Variants in AKAP10 observed in about 807,000 individuals in gnomAD.
The protein encoded by AKAP10 is A-kinase anchoring protein 10.
A neutral mutation model predicts 80.8 loss-of-function variants in AKAP10; 24 were observed. That is an observed-to-expected ratio of 0.30 (90% CI 0.22 to 0.42). AKAP10 has a LOEUF of 0.42. Among genes scored for constraint, AKAP10 ranks in the 10% least tolerant of loss-of-function variants. The pLI is 1.00. For missense variants in AKAP10, 661 were observed against 794.9 expected, an observed-to-expected ratio of 0.83 and a Z score of 2.03; for synonymous variants, 291 against 277.7, an observed-to-expected ratio of 1.05 and a Z score of -0.48.
chr17:19,911,214 A>G (rs1193812555), intron 12 of AKAP10, among the ~76,000 whole-genome samples: 1 of 152,106 alleles, frequency 6.6e-6, no homozygotes, highest in African/African-American at 2.4e-5. Context: ...CTGTTGAATC[A>G]CCCCATGCAC....
At chr17:19,974,191 C>CA (rs891943960) in intron 1 of AKAP10, among the ~76,000 whole-genome samples, 1 of 150,740 alleles carries the variant, frequency 6.6e-6, no homozygotes, top group African/African-American at 2.4e-5. Flanking sequence ...AACTCCATCT[C>CA]AAAAAAAAGA....
chr17:19,943,187 C>A (rs1003753044), intron 5 of AKAP10, among the ~76,000 whole-genome samples: 3 of 152,132 alleles, frequency 2.0e-5, no homozygotes, highest in Non-Finnish European at 4.4e-5. Flanking sequence ...TTGCAACTGG[C>A]CTTTAGCCAG....
rs1597487667 is a variant in AKAP10, at chr17:19,912,273, G to C, written c.1835-2295C>G. On this transcript the variant is annotated intron_variant, in intron 12 of 14. Coordinates refer to ENST00000225737, the MANE Select transcript of AKAP10 (RefSeq NM_007202.4). ...CTACTAAAAATACAAAAATAGGCGTGTGCCAATAATCCCAGCACTTTGGGA... is the reference window on the plus strand; with the variant it reads ...CTACTAAAAATACAAAAATAGGCGTCTGCCAATAATCCCAGCACTTTGGGA... Among the ~76,000 whole-genome samples, 7 of 152,082 alleles carry C rather than the reference G, an allele frequency of 4.6e-5. No individual in the cohort carries two copies. In the South Asian group the frequency reaches 1.5e-3, roughly 32 times the overall value.
At chr17:19,930,979 G>C (rs964819518) in intron 10 of AKAP10, among the ~76,000 whole-genome samples, 5 of 152,180 alleles carry the variant, frequency 3.3e-5, no homozygotes, top group African/African-American at 1.2e-4. Context: ...AAAGTGCTGG[G>C]ATTACAGGCG....
At chr17:19,969,451 C>T (rs953410044) in intron 1 of AKAP10, among the ~76,000 whole-genome samples, 5 of 151,906 alleles carry the variant, frequency 3.3e-5, no homozygotes, top group Non-Finnish European at 5.9e-5. Flanking sequence ...ATATGACATC[C>T]AAGATAGGAA....
At chr17:19,929,612 T>C (rs2042911222) in intron 10 of AKAP10, 1 of 152,082 alleles carries the variant, frequency 6.6e-6, no homozygotes, top group Non-Finnish European at 1.5e-5. Context: ...TTTCTATATA[T>C]ATAGTATCAA....
At chr17:19,914,438 G>A (rs971007447) in intron 12 of AKAP10, among the ~76,000 whole-genome samples, 1 of 151,934 alleles carries the variant, frequency 6.6e-6, no homozygotes, top group African/African-American at 2.4e-5. Flanking sequence ...ATTGCTTGCG[G>A]CAGGAGCTTG....
intron 10 of AKAP10, among the ~76,000 whole-genome samples, chr17:19,927,455 A>G (rs2042886925): frequency 6.6e-6 from 1 of 152,228 alleles, no homozygotes; most frequent in South Asian, 2.1e-4. Context: ...TTTATCTAGA[A>G]TATATAAAGG....
chr17:19,907,111 G>A lies in AKAP10; in HGVS notation c.1984-879C>T, dbSNP rs138578028. ...CAGCTCACCGCAACCTCTGCCTCCC[G>A]GGTTCAAGCAATTCTCCTGCCTCAG... On this transcript the variant is annotated intron_variant, in intron 14 of 14. Transcript: ENST00000225737. 3.4e-4 allele frequency among the ~76,000 whole-genome samples: 52 copies of A among 151,364 alleles called. 1 individual carries two copies. Among genetic ancestry groups the A allele is most frequent in the African/African-American group, 1.2e-3 (48 of 41,250 alleles).
At chr17:19,956,922 A>G (rs1368144387) in intron 4 of AKAP10, among the ~76,000 whole-genome samples, 5 of 151,596 alleles carry the variant, frequency 3.3e-5, no homozygotes, top group African/African-American at 1.2e-4. Flanking sequence ...GGAAGGAAGG[A>G]GGGAGGGAGG....
intron 1 of AKAP10, among the ~76,000 whole-genome samples, chr17:19,972,046 T>C (rs1166527378): frequency 6.6e-6 from 1 of 152,106 alleles, no homozygotes; most frequent in Non-Finnish European, 1.5e-5. Flanking sequence ...GCAGAGATTG[T>C]GGTGAGCCGA....
At position 19,931,834 on chromosome 17, in the gene AKAP10, G is replaced by C; in HGVS notation, c.1612C>G (p.Pro538Ala). 2 of 1,614,008 alleles carry C rather than the reference G, an allele frequency of 1.2e-6. No homozygotes were observed. The highest frequency in any genetic ancestry group is 1.7e-6 in the Non-Finnish European group (2 of 1,180,012). ...GACGCAGAGCTGTCAGAACTCCCTGGGTGAGACTCATCAGGAGGGCCAACA... is the reference window on the plus strand; with the variant it reads ...GACGCAGAGCTGTCAGAACTCCCTGCGTGAGACTCATCAGGAGGGCCAACA... ...GSVGPPDESHPGSSDSSASQS... is the reference protein window; with the variant it reads ...GSVGPPDESHAGSSDSSASQS... The change falls in exon 10 of 15, where the codon CCA (proline) becomes GCA (alanine). Residue 538 changes from proline to alanine, a missense_variant. Transcript: ENST00000225737.
At chr17:19,916,452 CAG>C (rs1333671039) in intron 12 of AKAP10, among the ~76,000 whole-genome samples, 1 of 152,102 alleles carries the variant, frequency 6.6e-6, no homozygotes, top group African/African-American at 2.4e-5. Flanking sequence ...ATAGAACGAG[CAG>C]AGATAGTGGT....
chr17:19,950,412 T>C (rs1269951635), intron 4 of AKAP10, among the ~76,000 whole-genome samples: 2 of 152,222 alleles, frequency 1.3e-5, no homozygotes, highest in African/African-American at 4.8e-5. Flanking sequence ...CCTCCCTGCC[T>C]GATTCTCCTG....
At position 19,931,878 on chromosome 17, in the gene AKAP10, G is replaced by A. The variant is rs11870360; in HGVS notation, c.1568C>T (p.Ser523Leu). 3.3e-3 allele frequency: 5,302 copies of A among 1,614,032 alleles called. 179 individuals carry two copies. The African/African-American group carries it at 0.064, about 19-fold the overall frequency. Reference sequence around the variant, plus strand: ...GCCAACAGAGCCAGGAGCAGTCAGCGACACGTTCCCGCCCAGAAATTCATC... The same window carrying A: ...GCCAACAGAGCCAGGAGCAGTCAGCAACACGTTCCCGCCCAGAAATTCATC... ...RGDEFLGGNV[S>L]LTAPGSVGPP... Residue 523 changes from serine (S) to leucine (L), a missense_variant, in exon 10 of 15, where the codon TCG becomes TTG. Transcript: ENST00000225737.
In AKAP10 at chr17:19,928,234, T is replaced by A. The variant is rs548980972; in HGVS notation, c.1641+3571A>T. ...AGTGAGACTTGGTCTCAAAAAAAAATAAATAAATAAAAATAAAAATAAAAA... is the reference window on the plus strand; with the variant it reads ...AGTGAGACTTGGTCTCAAAAAAAAAAAAATAAATAAAAATAAAAATAAAAA... On this transcript the variant is annotated intron_variant, in intron 10 of 14. Coordinates refer to ENST00000225737, the MANE Select transcript of AKAP10 (RefSeq NM_007202.4). Among the ~76,000 whole-genome samples, 14 of 151,018 alleles carry A rather than the reference T, an allele frequency of 9.3e-5. No individual in the cohort carries two copies. In the East Asian group the frequency reaches 9.7e-4, roughly 11 times the overall value.
chr17:19,977,052 G>C (rs1227832542), intron 1 of AKAP10, among the ~76,000 whole-genome samples: 1 of 152,178 alleles, frequency 6.6e-6, no homozygotes, highest in Non-Finnish European at 1.5e-5. Flanking sequence ...ACTTGCCAAA[G>C]TCATCAAAAG....
chr17:19,926,034 T>C (rs1186840089), intron 10 of AKAP10, among the ~76,000 whole-genome samples: 1 of 152,162 alleles, frequency 6.6e-6, no homozygotes, highest in African/African-American at 2.4e-5. Flanking sequence ...TGATAGAGTG[T>C]AAATGTTATC....
At chr17:19,976,496 AAAAG>A (rs2043568757) in intron 1 of AKAP10, among the ~76,000 whole-genome samples, 1 of 151,582 alleles carries the variant, frequency 6.6e-6, no homozygotes, top group Non-Finnish European at 1.5e-5. Flanking sequence ...TCAAAACAAA[AAAAG>A]AAAACAAAAC....
Sources: gnomAD v4.1 joint callset for allele counts (sites outside exome capture counted in the v4.1 genomes callset) on GRCh38, gnomAD v4.1.1 for gene constraint, MANE v1.5 for transcripts, NCBI Gene and HGNC (gene_info 2026-07-23, HGNC 2026-07-21) for gene names.